ZFHX3: variants seen among roughly 807,000 people sequenced by gnomAD.
ZFHX3 encodes the protein zinc finger homeobox 3.
In ZFHX3, 42 loss-of-function variants were observed where a neutral mutation model predicts 279.1. The ratio of observed to expected loss-of-function variants is 0.15; its 90% CI spans 0.12 to 0.19. The LOEUF is 0.19. ZFHX3 is among the 10% of genes least tolerant of loss of function. ZFHX3 has a pLI of 1.00. For synonymous variants in ZFHX3, 2,293 were observed against 1,957.8 expected (o/e 1.17, Z -4.52); for missense variants, 4,981 against 4,754.0 (o/e 1.05, Z -1.40).
At chr16:73,126,147 T>C (rs1966566271) in intron 7 of ZFHX3, among the ~76,000 whole-genome samples, 1 of 151,982 alleles carries the variant, frequency 6.6e-6, no homozygotes, top group South Asian at 2.1e-4. Context: ...ACCAGAATGA[T>C]GGGTGGAGGA....
intron 1 of ZFHX3, among the ~76,000 whole-genome samples, chr16:73,786,606 G>A (rs1275521362): frequency 6.6e-6 from 1 of 152,066 alleles, no homozygotes; most frequent in African/African-American, 2.4e-5. Context: ...CCAAGTGGCA[G>A]GGGGGGCCAA....
chr16:73,050,601 C>T (rs1303939067), upstream of ZFHX3, among the ~76,000 whole-genome samples: 1 of 152,218 alleles, frequency 6.6e-6, no homozygotes, highest in Non-Finnish European at 1.5e-5. Flanking sequence ...TCTGCACTTA[C>T]ATATGAAATC....
At chr16:73,131,684 A>T (rs142303840) in intron 6 of ZFHX3, among the ~76,000 whole-genome samples, 251 of 152,330 alleles carry the variant, frequency 1.6e-3, no homozygotes, top group African/African-American at 5.7e-3. Flanking sequence ...GGCCAGTACA[A>T]GATCTGATTT....
chr16:73,867,762 A>G (rs1359990486), intron 1 of ZFHX3, among the ~76,000 whole-genome samples: 1 of 152,112 alleles, frequency 6.6e-6, no homozygotes, highest in Non-Finnish European at 1.5e-5. Flanking sequence ...TATCCCCTCC[A>G]TTAGGTTAGG....
intron 1 of ZFHX3, among the ~76,000 whole-genome samples, chr16:73,854,727 CAAAAAAAAAAA>C (rs60003447): frequency 1.7e-5 from 1 of 59,518 alleles, no homozygotes; most frequent in African/African-American, 6.6e-5. Context: ...CCACCTTCCA[CAAAAAAAAAAA>C]AAAAAAAAAA....
At chr16:72,880,506 A>C (rs7193283) in intron 4 of ZFHX3, among the ~76,000 whole-genome samples, 78,985 of 151,958 alleles carry the variant, frequency 0.52, 20,901 homozygotes, top group Non-Finnish European at 0.58. Context: ...AGAAGCCAAA[A>C]CTGCCGGCAC....
At chr16:73,028,078 A>G (rs1964575087) in intron 1 of ZFHX3, among the ~76,000 whole-genome samples, 1 of 151,956 alleles carries the variant, frequency 6.6e-6, no homozygotes, top group African/African-American at 2.4e-5. Flanking sequence ...GGGTCGGGTC[A>G]GGGCAGGGCA....
chr16:72,816,957 C>T (rs1336767995), intron 5 of ZFHX3, among the ~76,000 whole-genome samples: 1 of 152,080 alleles, frequency 6.6e-6, no homozygotes, highest in Non-Finnish European at 1.5e-5. Flanking sequence ...TAAAAGTTAC[C>T]CCTCTACTCA....
chr16:73,553,489 C>T (rs1429617912), intron 2 of ZFHX3, among the ~76,000 whole-genome samples: 1 of 152,174 alleles, frequency 6.6e-6, no homozygotes, highest in African/African-American at 2.4e-5. Flanking sequence ...TGAGCAGAGT[C>T]CAGACCAGGG....
exon 1 of ZFHX3, chr16:73,059,372 GCACA>G (rs59438799): frequency 0.062 from 9,050 of 146,148 alleles, 364 homozygotes; most frequent in African/African-American, 0.12. Context: ...ACGAGCGCGC[GCACA>G]CACACACACA....
chr16:72,825,689 GT>G (rs1298950559), intron 5 of ZFHX3, among the ~76,000 whole-genome samples: 1 of 152,218 alleles, frequency 6.6e-6, no homozygotes, highest in East Asian at 1.9e-4. Context: ...TTATGCAGCC[GT>G]TATAATTACC....
chr16:73,284,253 G>A (rs2014533154), intron 4 of ZFHX3, among the ~76,000 whole-genome samples: 1 of 143,310 alleles, frequency 7.0e-6, no homozygotes, highest in Non-Finnish European at 1.5e-5. Flanking sequence ...GAGGGCAGAG[G>A]TTGCAGTGAG....
At chr16:73,352,571 C>G (rs1017632377) in intron 3 of ZFHX3, among the ~76,000 whole-genome samples, 1 of 150,492 alleles carries the variant, frequency 6.6e-6, no homozygotes, top group African/African-American at 2.5e-5. Context: ...TCTCTGCCTC[C>G]CGGGTTCAGG....
intron 2 of ZFHX3, among the ~76,000 whole-genome samples, chr16:72,951,372 T>C (rs1377844915): frequency 6.6e-6 from 1 of 152,088 alleles, no homozygotes; most frequent in Admixed American, 6.5e-5. Context: ...GCGATTCTCC[T>C]GCCTCAGCCT....
At chr16:73,393,626 C>T (rs1052138545) in intron 3 of ZFHX3, among the ~76,000 whole-genome samples, 2 of 152,172 alleles carry the variant, frequency 1.3e-5, no homozygotes, top group African/African-American at 4.8e-5. Context: ...CCTTCTGATG[C>T]TGTGTGCTGT....
At chr16:73,130,215 C>A (rs573744960) in intron 7 of ZFHX3, among the ~76,000 whole-genome samples, 1 of 152,038 alleles carries the variant, frequency 6.6e-6, no homozygotes, top group Non-Finnish European at 1.5e-5. Context: ...CTCCTCTAAC[C>A]TAACCCACGT....
At chr16:72,816,339 T>C (rs1199571396) in intron 5 of ZFHX3, among the ~76,000 whole-genome samples, 4 of 152,218 alleles carry the variant, frequency 2.6e-5, no homozygotes, top group South Asian at 2.1e-4. Flanking sequence ...GAATCTTCCA[T>C]AGGCAACATG....
intron 2 of ZFHX3, among the ~76,000 whole-genome samples, chr16:73,596,584 T>G (rs2143853012): frequency 6.6e-6 from 1 of 152,262 alleles, no homozygotes; most frequent in East Asian, 1.9e-4. Context: ...AGGGCAACAT[T>G]AGTGCCCTCT....
intron 1 of ZFHX3, among the ~76,000 whole-genome samples, chr16:73,888,877 C>T (rs1350487964): frequency 6.6e-6 from 1 of 150,650 alleles, no homozygotes; most frequent in African/African-American, 2.4e-5. Flanking sequence ...GATCCCTGTT[C>T]CCCCAACGCC....
Sources: gnomAD v4.1 joint callset for allele counts (sites outside exome capture counted in the v4.1 genomes callset) on GRCh38, gnomAD v4.1.1 for gene constraint, MANE v1.5 for transcripts, NCBI Gene and HGNC (gene_info 2026-07-23, HGNC 2026-07-21) for gene names.